AFG2A: variants seen among roughly 807,000 people sequenced by gnomAD.
AFG2A encodes the protein ATPase family gene 2 protein homolog A.
At chr4:123,114,943 G>C in the AFG2A span, among the ~76,000 whole-genome samples, 1 of 152,212 alleles carries the variant, frequency 6.6e-6, no homozygotes, top group Admixed American at 6.5e-5. Flanking sequence ...ATGGTGGGGC[G>C]CGAGGTTGAG....
At chr4:122,968,126 T>C in the AFG2A span, among the ~76,000 whole-genome samples, 1 of 152,162 alleles carries the variant, frequency 6.6e-6, no homozygotes, top group South Asian at 2.1e-4. Flanking sequence ...TTTGTTATAA[T>C]TGATGAGCTA....
chr4:123,302,235 A>G, the AFG2A span, among the ~76,000 whole-genome samples: 1 of 152,162 alleles, frequency 6.6e-6, no homozygotes, highest in Non-Finnish European at 1.5e-5. Context: ...TTCTTCTCCC[A>G]AGGACATCCC....
chr4:122,932,960 C>G, the AFG2A span, among the ~76,000 whole-genome samples: 1 of 152,188 alleles, frequency 6.6e-6, no homozygotes, highest in African/African-American at 2.4e-5. Context: ...TAGTTTAGGT[C>G]AGCATTTTAA....
At chr4:123,013,593 T>C in the AFG2A span, among the ~76,000 whole-genome samples, 4 of 152,020 alleles carry the variant, frequency 2.6e-5, no homozygotes, top group Non-Finnish European at 4.4e-5. Context: ...CCAGGGCCTG[T>C]CGGGGTTGGG....
chr4:123,020,690 C>A, the AFG2A span, among the ~76,000 whole-genome samples: 68 of 152,106 alleles, frequency 4.5e-4, 2 homozygotes, highest in South Asian at 3.9e-3. Flanking sequence ...TATAAAATAT[C>A]TTCTAAAATT....
chr4:123,031,910 T>C, the AFG2A span, among the ~76,000 whole-genome samples: 3 of 152,246 alleles, frequency 2.0e-5, no homozygotes, highest in African/African-American at 7.2e-5. Flanking sequence ...TGTTTTTGTG[T>C]AGATTGTGAC....
chr4:123,009,875 G>C, the AFG2A span, among the ~76,000 whole-genome samples: 1 of 151,812 alleles, frequency 6.6e-6, no homozygotes, highest in African/African-American at 2.4e-5. Context: ...TACTTAATCA[G>C]ATTTTAGGCC....
the AFG2A span, among the ~76,000 whole-genome samples, chr4:123,312,367 T>TCA: frequency 2.0e-5 from 3 of 152,308 alleles, no homozygotes; most frequent in Admixed American, 2.0e-4. Flanking sequence ...CAGTGATTCT[T>TCA]CAGACTTCTT....
the AFG2A span, among the ~76,000 whole-genome samples, chr4:123,113,794 T>A: frequency 1.3e-5 from 2 of 151,866 alleles, no homozygotes; most frequent in Non-Finnish European, 2.9e-5. Flanking sequence ...CATAGACAAG[T>A]GGAGGGTGAG....
At chr4:123,245,319 A>G in the AFG2A span, among the ~76,000 whole-genome samples, 1 of 152,228 alleles carries the variant, frequency 6.6e-6, no homozygotes, top group African/African-American at 2.4e-5. Flanking sequence ...ATCTTAAAAT[A>G]TGTAAATATC....
At chr4:123,041,277 A>AT in the AFG2A span, among the ~76,000 whole-genome samples, 1,410 of 118,136 alleles carry the variant, frequency 0.012, 40 homozygotes, top group African/African-American at 0.041. Flanking sequence ...CGCCCAGCTA[A>AT]TTTTTTTTTT....
chr4:123,183,887 A>G, the AFG2A span, among the ~76,000 whole-genome samples: 3 of 152,204 alleles, frequency 2.0e-5, no homozygotes, highest in East Asian at 5.8e-4. Flanking sequence ...AGCCTCCTGA[A>G]TAGCTGGGAC....
At chr4:123,175,227 A>G in the AFG2A span, among the ~76,000 whole-genome samples, 2 of 152,212 alleles carry the variant, frequency 1.3e-5, no homozygotes, top group Non-Finnish European at 2.9e-5. Context: ...CAGAATAGTG[A>G]CAGATTGGAA....
At chr4:123,229,985 A>G in the AFG2A span, among the ~76,000 whole-genome samples, 1 of 151,650 alleles carries the variant, frequency 6.6e-6, no homozygotes, top group African/African-American at 2.4e-5. Context: ...GTTTCAGAAT[A>G]CTTTATTGCT....
the AFG2A span, chr4:123,057,270 T>C: frequency 1.9e-6 from 3 of 1,613,858 alleles, no homozygotes; most frequent in Non-Finnish European, 2.5e-6. Context: ...CTGGATGCCT[T>C]AGCAGTTGAA....
chr4:123,149,100 T>C, the AFG2A span, among the ~76,000 whole-genome samples: 1 of 152,192 alleles, frequency 6.6e-6, no homozygotes, highest in African/African-American at 2.4e-5. Flanking sequence ...ACTGTTACTT[T>C]ACAGTTTGCC....
At chr4:123,063,743 CA>C in the AFG2A span, among the ~76,000 whole-genome samples, 135 of 129,434 alleles carry the variant, frequency 1.0e-3, no homozygotes, top group Admixed American at 1.1e-3. Flanking sequence ...GAGACTGTCT[CA>C]AAAAAAAAAA....
chr4:122,971,698 T>C, the AFG2A span, among the ~76,000 whole-genome samples: 12 of 152,192 alleles, frequency 7.9e-5, no homozygotes, highest in East Asian at 2.1e-3. Flanking sequence ...GTTGTATGCG[T>C]GATAAGGAGG....
At chr4:122,969,127 T>A in the AFG2A span, among the ~76,000 whole-genome samples, 33 of 151,554 alleles carry the variant, frequency 2.2e-4, no homozygotes, top group Admixed American at 2.0e-3. Context: ...ATATTTATTA[T>A]AATATATATT....
Sources: allele counts gnomAD v4.1 joint callset (sites outside exome capture counted in the v4.1 genomes callset), GRCh38; gene constraint gnomAD v4.1.1; transcripts MANE v1.5; gene names NCBI Gene and HGNC (gene_info 2026-07-23, HGNC 2026-07-21).